Variants in MYT1L observed in about 807,000 individuals in gnomAD.
MYT1L encodes myelin transcription factor 1 like.
In MYT1L, 12 loss-of-function variants were observed where a neutral mutation model predicts 126.7. The ratio of observed to expected loss-of-function variants is 0.09; its 90% confidence interval spans 0.06 to 0.15. The LOEUF (loss-of-function observed/expected upper bound fraction) is 0.15. MYT1L is among the 10% of genes least tolerant of loss of function. MYT1L has a pLI of 1.00. For synonymous variants in MYT1L, 541 were observed against 604.2 expected, an observed-to-expected ratio of 0.90 and a Z score of 1.53; for missense variants, 979 against 1,585.2, an observed-to-expected ratio of 0.62 and a Z score of 6.49.
intron 2 of MYT1L, among the ~76,000 whole-genome samples, chr2:2,279,715 C>T (rs368552566): frequency 7.2e-5 from 11 of 152,150 alleles, no homozygotes; most frequent in Admixed American, 5.2e-4. Flanking sequence ...CAGGTAGTTT[C>T]GGGTTGAGCG....
chr2:1,986,195 TAC>T lies in MYT1L; in HGVS notation c.1-6420_1-6419del, dbSNP rs565514790. 1.1e-3 allele frequency among the ~76,000 whole-genome samples: 161 copies of T among 152,298 alleles called. 1 individual carries two copies. The highest frequency in any genetic ancestry group is 3.7e-3 in the African/African-American group (154 of 41,554). ...TCAGCTACATTGTTAATAATTTTATTACAGTTTTAAAAAATTCTCACAATACA... is the reference window on the plus strand; with the variant it reads ...TCAGCTACATTGTTAATAATTTTATTAGTTTTAAAAAATTCTCACAATACA... On this transcript the variant is annotated intron_variant, in intron 5 of 24. Transcript: ENST00000647738.
chr2:2,047,841 C>T (rs1255091954), intron 4 of MYT1L, among the ~76,000 whole-genome samples: 1 of 152,020 alleles, frequency 6.6e-6, no homozygotes, highest in Non-Finnish European at 1.5e-5. Context: ...ATGTAAACTA[C>T]TACTAAGGAG....
intron 18 of MYT1L, among the ~76,000 whole-genome samples, chr2:1,867,529 G>A (rs115168161): frequency 2.0e-5 from 3 of 152,194 alleles, no homozygotes; most frequent in African/African-American, 7.2e-5. Flanking sequence ...TGGCTGGGGA[G>A]AGGAAGCTCA....
At chr2:2,119,649 C>G (rs2080712630) in intron 3 of MYT1L, among the ~76,000 whole-genome samples, 1 of 152,208 alleles carries the variant, frequency 6.6e-6, no homozygotes, top group Admixed American at 6.5e-5. Flanking sequence ...GGTTTAACCT[C>G]AGTTCCTTAC....
At chr2:1,872,473 A>ACAT (rs2046393653) in intron 18 of MYT1L, among the ~76,000 whole-genome samples, 2 of 152,248 alleles carry the variant, frequency 1.3e-5, no homozygotes, top group African/African-American at 4.8e-5. Flanking sequence ...TGGGCTGGTC[A>ACAT]ACATTTTTAT....
intron 2 of MYT1L, among the ~76,000 whole-genome samples, chr2:2,207,579 G>T (rs2093362588): frequency 1.3e-5 from 2 of 152,120 alleles, no homozygotes; most frequent in African/African-American, 4.8e-5. Flanking sequence ...ATGGGGCAAG[G>T]CTGTCTATTT....
intron 2 of MYT1L, among the ~76,000 whole-genome samples, chr2:2,194,957 T>A (rs1196291790): frequency 6.6e-6 from 1 of 152,242 alleles, no homozygotes; most frequent in African/African-American, 2.4e-5. Flanking sequence ...CCTGATGTAG[T>A]CACTTGTGGA....
chr2:2,279,810 T>C (rs572858535), intron 2 of MYT1L, among the ~76,000 whole-genome samples: 3 of 152,180 alleles, frequency 2.0e-5, no homozygotes, highest in African/African-American at 4.8e-5. Flanking sequence ...CACTGCACAC[T>C]GGGATTTTCT....
chr2:2,291,078 G>T (rs918942906), intron 1 of MYT1L, among the ~76,000 whole-genome samples: 2 of 149,842 alleles, frequency 1.3e-5, no homozygotes, highest in African/African-American at 4.9e-5. Context: ...AAAAATGAAA[G>T]TCAGTATAAA....
At chr2:2,030,980 A>G (rs1035532691) in intron 4 of MYT1L, among the ~76,000 whole-genome samples, 2 of 152,206 alleles carry the variant, frequency 1.3e-5, no homozygotes, top group Non-Finnish European at 2.9e-5. Context: ...CATTGTGAGG[A>G]CATACTTATT....
At position 2,314,486 on chromosome 2, in the gene MYT1L, G is replaced by A. The variant is rs1390119400; in HGVS notation, c.-521+16481C>T. Among the ~76,000 whole-genome samples the A allele has an allele frequency of 4.6e-5, 7 of 152,238 alleles. No homozygotes were observed. The South Asian group carries it at 8.3e-4, about 18-fold the overall frequency. Reference sequence around the variant, plus strand: ...TCAGGGCTCATCCCAGATTCCACATGTTCACCAGTTCTAGTGGCCACTGGC... The same window carrying A: ...TCAGGGCTCATCCCAGATTCCACATATTCACCAGTTCTAGTGGCCACTGGC... On this transcript the variant is annotated intron_variant, in intron 1 of 24. Transcript: ENST00000647738.
chr2:2,114,377 T>C (rs1050903713), intron 3 of MYT1L, among the ~76,000 whole-genome samples: 12 of 152,234 alleles, frequency 7.9e-5, no homozygotes, highest in Admixed American at 2.6e-4. Flanking sequence ...CCGTCCTATG[T>C]TGACAAATGA....
At chr2:2,288,500 G>A (rs1235048979) in intron 1 of MYT1L, among the ~76,000 whole-genome samples, 1 of 152,188 alleles carries the variant, frequency 6.6e-6, no homozygotes, top group South Asian at 2.1e-4. Context: ...ACCTGGAAAT[G>A]TGCCGTAAAG....
chr2:2,138,638 G>T (rs1469149449), intron 3 of MYT1L, among the ~76,000 whole-genome samples: 1 of 132,298 alleles, frequency 7.6e-6, no homozygotes, highest in Non-Finnish European at 1.6e-5. Flanking sequence ...GGTGGGAATT[G>T]AACAATGAGA....
chr2:2,092,582 C>A (rs1055655566), intron 3 of MYT1L, among the ~76,000 whole-genome samples: 2 of 152,128 alleles, frequency 1.3e-5, no homozygotes, highest in African/African-American at 4.8e-5. Context: ...TTGTCACAAA[C>A]CTGCAATTTA....
At chr2:2,210,987 C>T (rs1333526618) in intron 2 of MYT1L, among the ~76,000 whole-genome samples, 1 of 151,954 alleles carries the variant, frequency 6.6e-6, no homozygotes. Flanking sequence ...TTATGTGTGG[C>T]TATTATAAAT....
chr2:2,105,281 G>A (rs969870536), intron 3 of MYT1L, among the ~76,000 whole-genome samples: 2 of 152,140 alleles, frequency 1.3e-5, no homozygotes, highest in South Asian at 2.1e-4. Context: ...CAATGTGCTC[G>A]TGGGATACTA....
At chr2:2,098,265 A>G (rs1384879859) in intron 3 of MYT1L, among the ~76,000 whole-genome samples, 1 of 152,198 alleles carries the variant, frequency 6.6e-6, no homozygotes. Context: ...TTATAAGTCA[A>G]CTTAGTTTTC....
intron 1 of MYT1L, among the ~76,000 whole-genome samples, chr2:2,292,002 A>G (rs2095606971): frequency 6.6e-6 from 1 of 152,150 alleles, no homozygotes; most frequent in African/African-American, 2.4e-5. Flanking sequence ...GGCTGAGAGG[A>G]GCGGGTGGGG....
Sources: gnomAD v4.1 joint callset for allele counts (sites outside exome capture counted in the v4.1 genomes callset) on GRCh38, gnomAD v4.1.1 for gene constraint, MANE v1.5 for transcripts, NCBI Gene and HGNC (gene_info 2026-07-23, HGNC 2026-07-21) for gene names.